Variants in SOCS7 observed in about 807,000 individuals in gnomAD.
The protein encoded by SOCS7 is suppressor of cytokine signaling 7, also known as NAP-4.
In SOCS7, 18 loss-of-function variants were observed where a neutral mutation model predicts 58.9. The ratio of observed to expected loss-of-function variants is 0.31; its 90% CI spans 0.21 to 0.45. The LOEUF (loss-of-function observed/expected upper bound fraction) is 0.45. Among genes scored for constraint, SOCS7 ranks in the 20% least tolerant of loss-of-function variants. SOCS7 has a pLI of 1.00. For missense variants in SOCS7, 667 were observed against 837.3 expected, an observed-to-expected ratio of 0.80 and a Z score of 2.51; for synonymous variants, 388 against 364.3, an observed-to-expected ratio of 1.06 and a Z score of -0.74.
intron 7 of SOCS7, among the ~76,000 whole-genome samples, chr17:38,384,702 C>T (rs2038045314): frequency 6.6e-6 from 1 of 151,974 alleles, no homozygotes; most frequent in Admixed American, 6.6e-5. Context: ...AAGTGATTCT[C>T]CTGCCTCAGC....
At chr17:38,393,470 C>G (rs1049040718) in intron 7 of SOCS7, among the ~76,000 whole-genome samples, 1 of 152,076 alleles carries the variant, frequency 6.6e-6, no homozygotes, top group Non-Finnish European at 1.5e-5. Context: ...AACCCCGTCT[C>G]TACTAAAAAT....
chr17:38,387,096 A>ATATAT (rs1476617496), intron 7 of SOCS7, among the ~76,000 whole-genome samples: 2 of 91,812 alleles, frequency 2.2e-5, no homozygotes, highest in African/African-American at 7.0e-5. Context: ...AAAAAAAAAA[A>ATATAT]AAAAAAATAT....
chr17:38,367,965 A>C lies in SOCS7; in HGVS notation c.1467A>C (p.Arg489=). Residue 489 remains arginine, a synonymous_variant, in exon 6 of 10, where the codon CGA becomes CGC. Coordinates refer to ENST00000612932, the MANE Select transcript of SOCS7 (RefSeq NM_014598.4). The stretch of plus-strand genomic sequence containing the variant: ...AACCAGATGGTTCTTTCCTGGTACG[A>C]GACAGTTCTGATCCTCGTTACATCC... ...KGKPDGSFLV[R]DSSDPRYILS... 14 of 1,614,158 alleles carry C rather than the reference A, an allele frequency of 8.7e-6. No homozygotes were observed. Among genetic ancestry groups the C allele is most frequent in the Non-Finnish European group, 9.3e-6 (11 of 1,180,022 alleles).
intron 1 of SOCS7, among the ~76,000 whole-genome samples, chr17:38,356,640 C>T (rs149417630): frequency 1.5e-3 from 228 of 152,228 alleles, no homozygotes; most frequent in Non-Finnish European, 2.3e-3. Flanking sequence ...GCTGGGATTA[C>T]AGGCGTGAGC....
chr17:38,352,149 G>T lies in SOCS7; in HGVS notation c.97G>T (p.Glu33Ter). 1 of 1,107,984 alleles carries T rather than the reference G, an allele frequency of 9.0e-7. No individual in the cohort carries two copies. Among genetic ancestry groups the T allele is most frequent in the Non-Finnish European group, 1.1e-6 (1 of 895,488 alleles). 68.6% of individuals were successfully genotyped at this position (1,107,984 alleles called of 1,614,324 possible). A position where few individuals can be genotyped will look rare whatever the true frequency, so the allele number is the denominator to read the frequency against. Reference sequence around the variant, plus strand: ...CCTTGGCTATGGAGAGGCGGCCCCCGAGCCAGGCCCTCCGCCACCGCCCCC... The same window carrying T: ...CCTTGGCTATGGAGAGGCGGCCCCCTAGCCAGGCCCTCCGCCACCGCCCCC... ...RLLGYGEAAP[E>*]PGPPPPPPGH... The change falls in exon 1 of 10, where the codon GAG (glutamate) becomes TAG (stop). Residue 33 changes from glutamate to a stop codon, truncating the protein, a stop_gained. Transcript: ENST00000612932. LOFTEE classifies it high-confidence loss of function. This position sits in a 1 kb window ranked among gnomAD's most constrained non-coding sequence, Gnocchi z 5.5.
intron 1 of SOCS7, among the ~76,000 whole-genome samples, chr17:38,355,009 G>A (rs1488702116): frequency 6.6e-6 from 1 of 152,214 alleles, no homozygotes; most frequent in Non-Finnish European, 1.5e-5. Flanking sequence ...AAATTGGGCT[G>A]TAGCTTTGCA....
intron 6 of SOCS7, among the ~76,000 whole-genome samples, chr17:38,369,304 T>A (rs2037831070): frequency 6.6e-6 from 1 of 152,184 alleles, no homozygotes; most frequent in East Asian, 1.9e-4. Flanking sequence ...CAGCCCACAC[T>A]GCATCGGGTT....
rs139279824 is a variant in SOCS7, at chr17:38,404,538, A to T, written c.*5056A>T. On this transcript the variant is annotated 3_prime_UTR_variant, in exon 10 of 10. Transcript: ENST00000612932. ...CCTCTCCTACCCCCTCCTCTGCAAC[A>T]CCAAGAGGCCTGGAGGGGCAGACAG... 5.9e-4 allele frequency: 90 copies of T among 152,206 alleles called. No homozygotes were observed. Among genetic ancestry groups the T allele is most frequent in the African/African-American group, 2.1e-3 (89 of 41,498 alleles). The allele number at this position is 152,206 out of a possible 1,614,324, so 9.4% of individuals were successfully genotyped here.
At chr17:38,374,310 G>A (rs1232283528) in intron 6 of SOCS7, among the ~76,000 whole-genome samples, 1 of 152,086 alleles carries the variant, frequency 6.6e-6, no homozygotes, top group African/African-American at 2.4e-5. Context: ...GGCCAAGGCG[G>A]GCAGATCACT....
chr17:38,388,363 AC>A (rs2038107952), intron 7 of SOCS7, among the ~76,000 whole-genome samples: 1 of 148,030 alleles, frequency 6.8e-6, no homozygotes, highest in Admixed American at 6.6e-5. Flanking sequence ...AAAAAAAAAT[AC>A]AAAAATTAGC....
chr17:38,368,350 T>C (rs984005672), intron 6 of SOCS7, among the ~76,000 whole-genome samples: 8 of 152,250 alleles, frequency 5.3e-5, no homozygotes, highest in Admixed American at 1.3e-4. Context: ...TAAAACTCTT[T>C]AGGTAAAAGG....
intron 6 of SOCS7, among the ~76,000 whole-genome samples, chr17:38,373,711 C>G (rs1281720076): frequency 6.6e-6 from 1 of 152,116 alleles, no homozygotes; most frequent in Non-Finnish European, 1.5e-5. Context: ...GGTCAATGCC[C>G]CTGGCCACCC....
chr17:38,372,742 T>C (rs1231428569), intron 6 of SOCS7, among the ~76,000 whole-genome samples: 3 of 152,128 alleles, frequency 2.0e-5, no homozygotes, highest in Non-Finnish European at 4.4e-5. Context: ...AGTTTGTACA[T>C]AGTTTGAGGT....
rs1481623328 is a variant in SOCS7, at chr17:38,352,830, G to C, written c.778G>C (p.Gly260Arg). 1.5e-5 allele frequency: 24 copies of C among 1,566,482 alleles called. No individual in the cohort carries two copies. The highest frequency in any genetic ancestry group is 2.7e-5 in the African/African-American group (2 of 73,662). ...QQPPPPPPPPGPLRPLAGPSR... is the reference protein window; with the variant it reads ...QQPPPPPPPPRPLRPLAGPSR... ...ACCTCCCCCGCCCCCGCCTCCTCCC[G>C]GGCCCCTCCGGCCACTCGCGGGTCC... Residue 260 changes from glycine to arginine, a missense_variant, in exon 1 of 10, where the codon GGG becomes CGG. Physicochemically the swap from Gly to Arg is moderately radical, Grantham distance 125. Transcript: ENST00000612932. This position sits in a 1 kb window ranked among gnomAD's most constrained non-coding sequence, Gnocchi z 5.5.
At chr17:38,382,634 G>A (rs2038018374) in intron 7 of SOCS7, among the ~76,000 whole-genome samples, 2 of 151,712 alleles carry the variant, frequency 1.3e-5, no homozygotes, top group Admixed American at 6.6e-5. Context: ...GATTACAGGC[G>A]CCCGCCACCA....
chr17:38,375,021 C>T (rs542467338), intron 6 of SOCS7, among the ~76,000 whole-genome samples: 1 of 152,190 alleles, frequency 6.6e-6, no homozygotes, highest in East Asian at 1.9e-4. Flanking sequence ...ACTTGGGAGG[C>T]CAAGGCAGGA....
intron 2 of SOCS7, among the ~76,000 whole-genome samples, chr17:38,363,648 T>C (rs1419884020): frequency 6.6e-6 from 1 of 152,192 alleles, no homozygotes; most frequent in Admixed American, 6.5e-5. Context: ...CTGATGACTT[T>C]TAGAAGAGCT....
In SOCS7 at chr17:38,386,266, A is replaced by G. The variant is rs562916626; in HGVS notation, c.1681+8424A>G. ...CTGAACCCAGGAGGCGGAGGTTGCA[A>G]TGAGCCAAGATTGTGCCACTGCACT... On this transcript the variant is annotated intron_variant, in intron 7 of 9. Coordinates refer to ENST00000612932, the MANE Select transcript of SOCS7 (RefSeq NM_014598.4). Among the ~76,000 whole-genome samples, 187 of 148,382 alleles carry G rather than the reference A, an allele frequency of 1.3e-3. 1 individual carries two copies. The highest frequency in any genetic ancestry group is 4.4e-3 in the African/African-American group (173 of 39,648).
chr17:38,363,620 C>T (rs1363267066), intron 2 of SOCS7, among the ~76,000 whole-genome samples: 1 of 152,156 alleles, frequency 6.6e-6, no homozygotes, highest in East Asian at 1.9e-4. Flanking sequence ...CAGGTGTGAC[C>T]CACTGCACCT....
Sources: allele counts gnomAD v4.1 joint callset (sites outside exome capture counted in the v4.1 genomes callset), GRCh38; gene constraint gnomAD v4.1.1; non-coding constraint Gnocchi (gnomAD v3.1); transcripts MANE v1.5; gene names NCBI Gene and HGNC (gene_info 2026-07-23, HGNC 2026-07-21).